Variants in WDR54 observed in about 807,000 individuals in gnomAD.
WDR54 encodes WD repeat-containing protein 54.
A neutral mutation model predicts 44.1 loss-of-function variants in WDR54; 44 were observed. That is an observed-to-expected ratio of 1.00 (90% CI 0.78 to 1.28). The LOEUF (loss-of-function observed/expected upper bound fraction) is 1.28. Ranked by LOEUF, WDR54 falls within the 50% of genes most tolerant of loss-of-function variation. The pLI is 0.00. For missense variants in WDR54, 409 were observed against 429.7 expected (o/e 0.95, Z 0.43); for synonymous variants, 169 against 169.8 (o/e 1.00, Z 0.04).
chr2:74,422,035 C>T, intron 1 of WDR54, 118 bp from the exon 2 acceptor site: 2 of 1,072,138 alleles, frequency 1.9e-6, no homozygotes, highest in Non-Finnish European at 2.8e-6. Context: ...CCTCTGGGCA[C>T]CCCATCCTAT....
intron 6 of WDR54, 38 bp from the exon 7 acceptor site, chr2:74,424,837 G>C: frequency 6.2e-7 from 1 of 1,612,830 alleles, no homozygotes; most frequent in East Asian, 2.2e-5. Context: ...ACCATAGCAG[G>C]GGAGAAAGGG....
intron 5 of WDR54, 146 bp downstream of exon 5, chr2:74,423,677 G>A (rs1313753263): frequency 7.1e-7 from 1 of 1,414,860 alleles, no homozygotes. Flanking sequence ...AACCATGGAA[G>A]GGTTCAGAGG....
At chr2:74,422,969 C>T (rs532994645) in intron 3 of WDR54, 37 bp downstream of exon 3, 2 of 1,606,140 alleles carry the variant, frequency 1.2e-6, no homozygotes, top group East Asian at 2.2e-5. Context: ...CCACCAGAGC[C>T]TTCTCAGCTT....
At chr2:74,424,143 A>G (rs1437140658) in intron 6 of WDR54, among the ~76,000 whole-genome samples, 161 bp downstream of exon 6, 2 of 152,240 alleles carry the variant, frequency 1.3e-5, no homozygotes, top group African/African-American at 4.8e-5. Context: ...AGCCAGAGAT[A>G]CTTTACATTT....
Position 74,422,289 on chromosome 2 carries a change from A to C in WDR54, c.136A>C (p.Ser46Arg). 1.2e-6 allele frequency: 2 copies of C among 1,614,204 alleles called. No homozygotes were observed. Among genetic ancestry groups the C allele is most frequent in the Non-Finnish European group, 1.7e-6 (2 of 1,180,028 alleles). The change falls in exon 2 of 10, where the codon AGC becomes CGC. Residue 46 changes from serine (S) to arginine (R), a missense_variant. Ser to Arg is a moderately radical substitution (Grantham distance 110, BLOSUM62 -1). Coordinates refer to ENST00000348227, the MANE Select transcript of WDR54 (RefSeq NM_032118.4). ...TCATGGACCAAGCGCCCAGCTTCTC[A>C]GCGCTGCTCCTGAGGGTGTGCCCTT... ...VVHGPSAQLL[S>R]AAPEGVPLAQ...
At chr2:74,423,103 T>C in intron 3 of WDR54, 171 bp downstream of exon 3, 1 of 852,122 alleles carries the variant, frequency 1.2e-6, no homozygotes, top group South Asian at 1.6e-5. Context: ...AGTTTCCAAG[T>C]GCCACCTCCA....
In WDR54 at chr2:74,423,995, C is replaced by T. The variant is rs1487145244; in HGVS notation, c.534+13C>T. 6.2e-7 allele frequency: 1 copy of T among 1,613,758 alleles called. No homozygotes were observed. The highest frequency in any genetic ancestry group is 1.7e-5 in the Admixed American group (1 of 59,974). ...TGCCCAGGGACAGGTGAGTGGACTT[C>T]CCCTACCCATCTGGGAGCCTTCCCC... On this transcript the variant is annotated intron_variant, in intron 6 of 9. Transcript: ENST00000348227.
At chr2:74,422,843 T>A (rs1670182403) in intron 2 of WDR54, 27 bp from the exon 3 acceptor site, 2 of 1,591,280 alleles carry the variant, frequency 1.3e-6, no homozygotes, top group East Asian at 4.5e-5. Flanking sequence ...TTTGATTTTC[T>A]CCCTACACTG....
At chr2:74,423,783 A>C in intron 5 of WDR54, 72 bp from the exon 6 acceptor site, 6 of 1,583,934 alleles carry the variant, frequency 3.8e-6, no homozygotes, top group Non-Finnish European at 5.2e-6. Context: ...GGATGGAGTA[A>C]GTGTTGAGTA....
At chr2:74,423,052 C>A in intron 3 of WDR54, 120 bp downstream of exon 3, 1 of 1,069,914 alleles carries the variant, frequency 9.3e-7, no homozygotes, top group Non-Finnish European at 1.4e-6. Context: ...GGCCCACTCA[C>A]TCTTTTTCTA....
At position 74,425,461 on chromosome 2, in the gene WDR54, G is replaced by A. The variant is rs1670332145; in HGVS notation, c.843G>A (p.Leu281=). The change falls in exon 9 of 10, where the codon CTG becomes CTA. Residue 281 remains leucine, a synonymous_variant. Coordinates refer to ENST00000348227, the MANE Select transcript of WDR54 (RefSeq NM_032118.4). ...ACACCTTTGTGCATATCTGGAAGCT[G>A]AGCAGAAACCCAGAGAGTGGCTACA... ...GEDTFVHIWK[L]SRNPESGYIE... 7.4e-6 allele frequency: 12 copies of A among 1,614,222 alleles called. No individual in the cohort carries two copies. The highest frequency in any genetic ancestry group is 1.0e-5 in the Non-Finnish European group (12 of 1,180,036).
chr2:74,422,811 CA>C (rs1368781394), intron 2 of WDR54, 58 bp from the exon 3 acceptor site: 2 of 1,046,616 alleles, frequency 1.9e-6, no homozygotes, highest in African/African-American at 1.7e-5. Context: ...AAAAAAAAAA[CA>C]AACAAACTCA....
chr2:74,425,302 C>A (rs1670326021), intron 8 of WDR54, 65 bp downstream of exon 8: 4 of 1,555,422 alleles, frequency 2.6e-6, no homozygotes, highest in Non-Finnish European at 3.5e-6. Context: ...GAGAACACCA[C>A]AGGCTTGTCT....
In WDR54 at chr2:74,424,056, G is replaced by C; in HGVS notation, c.534+74G>C. 4 of 1,586,932 alleles carry C rather than the reference G, an allele frequency of 2.5e-6. No homozygotes were observed. In the East Asian group the frequency reaches 9.0e-5, roughly 36 times the overall value. On this transcript the variant is annotated intron_variant, in intron 6 of 9. Coordinates refer to ENST00000348227, the MANE Select transcript of WDR54 (RefSeq NM_032118.4). Reference sequence around the variant, plus strand: ...GCAGGGGACCTGGCTTTGAGTCTTGGCTCTGCCACTAAACAGGTGGATGGC... The same window carrying C: ...GCAGGGGACCTGGCTTTGAGTCTTGCCTCTGCCACTAAACAGGTGGATGGC...
At position 74,422,413 on chromosome 2, in the gene WDR54, G is replaced by T. The variant is rs752003670; in HGVS notation, c.222+38G>T. ...GCTGGGAGTGATGTTGCTGAACCCA[G>T]TCCTACCCCCAGCCTTTTCTCTCCA... is the stretch of plus-strand genomic sequence containing the variant. On this transcript the variant is annotated intron_variant, in intron 2 of 9. Transcript: ENST00000348227. 2.2e-5 allele frequency: 35 copies of T among 1,580,458 alleles called. No individual in the cohort carries two copies. In the South Asian group the frequency reaches 4.0e-4, roughly 18 times the overall value.
intron 2 of WDR54, 133 bp downstream of exon 2, chr2:74,422,508 T>A: frequency 8.8e-7 from 1 of 1,139,514 alleles, no homozygotes; most frequent in Non-Finnish European, 1.2e-6. Context: ...GAATCTCCCC[T>A]CTCCTGCCGG....
chr2:74,422,522 C>T (rs991113215), intron 2 of WDR54, 147 bp downstream of exon 2: 6 of 988,084 alleles, frequency 6.1e-6, no homozygotes, highest in African/African-American at 4.9e-5. Context: ...CTGCCGGGCG[C>T]GGTGGCTCAC....
In WDR54 at chr2:74,423,541, C is replaced by T. The variant is rs1399174911; in HGVS notation, c.406+10C>T. On this transcript the variant is annotated intron_variant, in intron 5 of 9. Transcript: ENST00000348227. Reference sequence around the variant, plus strand: ...CACTTCATCTGTGTGGGTGAGGGAGCCAAGTGCAGGGCATGGAGGGGTGCT... The same window carrying T: ...CACTTCATCTGTGTGGGTGAGGGAGTCAAGTGCAGGGCATGGAGGGGTGCT... 6.2e-7 allele frequency: 1 copy of T among 1,613,552 alleles called. No homozygotes were observed. Among genetic ancestry groups the T allele is most frequent in the Non-Finnish European group, 8.5e-7 (1 of 1,179,728 alleles).
In WDR54 at chr2:74,422,793, CCAA is replaced by C. The variant is rs1332793220; in HGVS notation, c.223-76_223-74del. On this transcript the variant is annotated intron_variant, in intron 2 of 9. Transcript: ENST00000348227. ...GGGCCACAGAGCAAGACTCCGTCCC[CCAA>C]AAAAAAAAAAAAAACAAACAAACTC... 2,664 of 950,082 alleles carry C rather than the reference CCAA, an allele frequency of 2.8e-3. 3 individuals are homozygous for C. The highest frequency in any genetic ancestry group is 3.2e-3 in the Non-Finnish European group (2,124 of 661,728). 58.9% of individuals were successfully genotyped at this position (950,082 alleles called of 1,614,324 possible).
Sources: allele counts gnomAD v4.1 joint callset (sites outside exome capture counted in the v4.1 genomes callset), GRCh38; gene constraint gnomAD v4.1.1; transcripts MANE v1.5; gene names NCBI Gene and HGNC (gene_info 2026-07-23, HGNC 2026-07-21).